Variants in ATP6V1B1 observed in about 807,000 individuals in gnomAD.
ATP6V1B1 encodes the protein V-type proton ATPase subunit B, kidney isoform.
Under a neutral mutation model 62.1 loss-of-function variants are expected in ATP6V1B1, and 41 were observed. The observed-to-expected ratio is 0.66, with a 90% CI of 0.51 to 0.86. The LOEUF is 0.86. Ranked by LOEUF, ATP6V1B1 falls within the 40% of genes least tolerant of loss-of-function variation. The pLI, the probability that ATP6V1B1 is intolerant of heterozygous loss-of-function variation, is 0.00. For missense variants in ATP6V1B1, 651 were observed against 697.5 expected (o/e 0.93, Z 0.75); for synonymous variants, 253 against 273.4 (o/e 0.93, Z 0.74).
rs1558681194 is a variant in ATP6V1B1 at position 70,965,043 on chromosome 2, C to T, written c.1464C>T (p.Arg488=). The change falls in exon 14 of 14, where the codon CGC becomes CGT. Residue 488 remains arginine, a synonymous_variant. Transcript: ENST00000234396. ...LRIFPKEMLK[R]IPQAVIDEFY... ...TCTTCCCCAAGGAGATGCTGAAGCG[C>T]ATTCCGCAGGCCGTGATCGACGAGT... 4 of 1,613,580 alleles carry T rather than the reference C, an allele frequency of 2.5e-6. No homozygotes were observed. Among genetic ancestry groups the T allele is most frequent in the Non-Finnish European group, 3.4e-6 (4 of 1,180,040 alleles).
At chr2:70,952,442 G>A (rs1680342938) in intron 2 of ATP6V1B1, among the ~76,000 whole-genome samples, 2 of 150,086 alleles carry the variant, frequency 1.3e-5, no homozygotes, top group African/African-American at 4.9e-5. Context: ...CAGCCTGGGG[G>A]ACAGAGTAAG....
Position 70,964,871 on chromosome 2 carries a change from G to A in ATP6V1B1, c.1378+6G>A, listed in dbSNP as rs1680683226. 1 of 1,614,044 alleles carries A rather than the reference G, an allele frequency of 6.2e-7. No homozygotes were observed. On this transcript the variant is annotated splice_donor_region_variant and intron_variant, in intron 13 of 13. Transcript: ENST00000234396. ...GAAGAACTTCATCAATCAGGGTAAG[G>A]CGCGTCGCTGGTGTGGAGCCAGTAA... is the stretch of plus-strand genomic sequence containing the variant.
rs139217983 is a variant in ATP6V1B1, at chr2:70,953,383, T to G, written c.175-4663T>G. ...TGGTTTTAATCATGGATGGGTTTTT[T>G]TGACTTTTTTCAAAATGTTTTTAGG... is the stretch of plus-strand genomic sequence containing the variant. On this transcript the variant is annotated intron_variant, in intron 2 of 13. Coordinates refer to ENST00000234396, the MANE Select transcript of ATP6V1B1 (RefSeq NM_001692.4). 8.5e-3 allele frequency among the ~76,000 whole-genome samples: 1,294 copies of G among 152,338 alleles called. 24 individuals are homozygous for G. Among genetic ancestry groups the G allele is most frequent in the African/African-American group, 0.029 (1,213 of 41,584 alleles).
chr2:70,964,379 G>A, intron 11 of ATP6V1B1, 59 bp from the exon 12 acceptor site: 2 of 1,566,492 alleles, frequency 1.3e-6, no homozygotes, highest in South Asian at 1.1e-5. Flanking sequence ...ACAATTTGGG[G>A]ACAGGGGGAG....
intron 2 of ATP6V1B1, among the ~76,000 whole-genome samples, chr2:70,944,461 C>T (rs1418508823): frequency 6.6e-6 from 1 of 151,812 alleles, no homozygotes; most frequent in Non-Finnish European, 1.5e-5. Context: ...CTCGGTGCCC[C>T]TTTGACCCCT....
chr2:70,963,007 C>T lies in ATP6V1B1; in HGVS notation c.909+107C>T. The stretch of plus-strand genomic sequence containing the variant: ...AGGGGAGCTGGTCCACCCAAGCCTG[C>T]CCCACTCCCATGAGTTCCAGGGCTT... On this transcript the variant is annotated intron_variant, in intron 9 of 13. Transcript: ENST00000234396. The surrounding 1 kb of genome is among the most constrained non-coding windows in gnomAD (Gnocchi z 4.3). The T allele has an allele frequency of 6.3e-7, 1 of 1,599,226 alleles. No homozygotes were observed. Among genetic ancestry groups the T allele is most frequent in the Non-Finnish European group, 8.5e-7 (1 of 1,172,810 alleles).
In ATP6V1B1 at chr2:70,965,189, C is replaced by A. The variant is rs144725809; in HGVS notation, c.*68C>A. ...CTCGGCTCCCGGGTCTCCCCTCCCT[C>A]GCCACCCCAACCAGCGGCTTCTGCG... On this transcript the variant is annotated 3_prime_UTR_variant, in exon 14 of 14. Coordinates refer to ENST00000234396, the MANE Select transcript of ATP6V1B1 (RefSeq NM_001692.4). 6.3e-7 allele frequency: 1 copy of A among 1,587,136 alleles called. No homozygotes were observed. The highest frequency in any genetic ancestry group is 1.3e-5 in the African/African-American group (1 of 74,678).
intron 1 of ATP6V1B1, chr2:70,940,474 C>A (rs1679965034): frequency 1.0e-6 from 1 of 985,434 alleles, no homozygotes; most frequent in Non-Finnish European, 1.2e-6. Context: ...AGGGTCTCTC[C>A]TGCCTGCCCT....
rs35710919 is a variant in ATP6V1B1 at position 70,945,701 on chromosome 2, G to GATATATATAT, written c.174+2020_174+2029dup. 3.5e-3 allele frequency among the ~76,000 whole-genome samples: 288 copies of GATATATATAT among 82,912 alleles called. 8 individuals are homozygous for GATATATATAT. Among genetic ancestry groups the GATATATATAT allele is most frequent in the Middle Eastern group, 6.9e-3 (1 of 144 alleles). 54.4% of individuals were successfully genotyped at this position (82,912 alleles called of 152,430 possible). A position where few individuals can be genotyped will look rare whatever the true frequency, so the allele number is the denominator to read the frequency against. ...TATCCTCTTTCTGGCTATTTGAAGAGATATATATATATATATATATATATA... is the reference window on the plus strand; with the variant it reads ...TATCCTCTTTCTGGCTATTTGAAGAGATATATATATATATATATATATATATATATATATA... On this transcript the variant is annotated intron_variant, in intron 2 of 13. Coordinates refer to ENST00000234396, the MANE Select transcript of ATP6V1B1 (RefSeq NM_001692.4).
chr2:70,951,965 T>C (rs1680332260), intron 2 of ATP6V1B1, among the ~76,000 whole-genome samples: 1 of 152,232 alleles, frequency 6.6e-6, no homozygotes, highest in Non-Finnish European at 1.5e-5. Context: ...TTTTTCTTTT[T>C]CTGGTCTTAC....
chr2:70,955,102 C>T (rs1680403597), intron 2 of ATP6V1B1, among the ~76,000 whole-genome samples: 1 of 152,162 alleles, frequency 6.6e-6, no homozygotes, highest in South Asian at 2.1e-4. Flanking sequence ...CAAAGCTCTA[C>T]CTGCCCATGT....
intron 1 of ATP6V1B1, chr2:70,938,456 C>T: frequency 1.4e-6 from 1 of 729,802 alleles, no homozygotes; most frequent in Non-Finnish European, 1.7e-6. Context: ...GCTGGGGGTG[C>T]CTAAGGGCAG....
At chr2:70,960,381 C>A (rs1558678563) in intron 6 of ATP6V1B1, among the ~76,000 whole-genome samples, 1 of 152,224 alleles carries the variant, frequency 6.6e-6, no homozygotes, top group Non-Finnish European at 1.5e-5. Flanking sequence ...TCTTTACTCA[C>A]CCGCTCCTGC....
intron 2 of ATP6V1B1, among the ~76,000 whole-genome samples, chr2:70,947,338 T>C (rs1680205337): frequency 6.6e-6 from 1 of 152,126 alleles, no homozygotes; most frequent in African/African-American, 2.4e-5. Context: ...AACAGGCAGA[T>C]TGCTAGGCCC....
At chr2:70,937,942 C>T (rs1679898430) in intron 1 of ATP6V1B1, among the ~76,000 whole-genome samples, 1 of 152,122 alleles carries the variant, frequency 6.6e-6, no homozygotes, top group Non-Finnish European at 1.5e-5. Flanking sequence ...CCCATGTTTG[C>T]ATGCTTCCCT....
chr2:70,962,528 A>G (rs773990384), intron 8 of ATP6V1B1, among the ~76,000 whole-genome samples: 29 of 152,230 alleles, frequency 1.9e-4, no homozygotes, highest in Non-Finnish European at 2.8e-4. Context: ...TTCCCACCCA[A>G]CTTGCCTCCT....
At chr2:70,942,039 C>G in intron 1 of ATP6V1B1, 1 of 1,118,232 alleles carries the variant, frequency 8.9e-7, no homozygotes, top group Non-Finnish European at 1.1e-6. Flanking sequence ...TTATTTTGTA[C>G]TGGAAACATC....
intron 3 of ATP6V1B1, 54 bp from the exon 4 acceptor site, chr2:70,958,279 C>A (rs1045991655): frequency 2.5e-6 from 4 of 1,591,134 alleles, no homozygotes; most frequent in East Asian, 4.5e-5. Flanking sequence ...GAATGGGTAG[C>A]CCCATTCCCT....
At chr2:70,953,701 A>G (rs1680369933) in intron 2 of ATP6V1B1, among the ~76,000 whole-genome samples, 1 of 152,230 alleles carries the variant, frequency 6.6e-6, no homozygotes, top group Non-Finnish European at 1.5e-5. Flanking sequence ...TATCAAGGCT[A>G]TAATTGCCTC....
Sources: allele counts gnomAD v4.1 joint callset (sites outside exome capture counted in the v4.1 genomes callset), GRCh38; gene constraint gnomAD v4.1.1; non-coding constraint Gnocchi (gnomAD v3.1); transcripts MANE v1.5; gene names NCBI Gene and HGNC (gene_info 2026-07-23, HGNC 2026-07-21).